The following FNDC7 variants were observed in gnomAD, a reference collection of about 807,000 sequenced individuals.
The protein encoded by FNDC7 is fibronectin type III domain-containing protein 7.
FNDC7 carries 66 observed loss-of-function variants against 74.2 expected under a neutral mutation model. That is an observed-to-expected ratio of 0.89 (90% confidence interval 0.73 to 1.09). The LOEUF (loss-of-function observed/expected upper bound fraction) is 1.09, where lower values mean the gene tolerates loss of function less well. FNDC7 is among the 50% of genes least tolerant of loss of function. FNDC7 has a pLI of 0.00. For synonymous variants in FNDC7, 307 were observed against 330.2 expected (o/e 0.93, Z 0.76); for missense variants, 829 against 893.4 (o/e 0.93, Z 0.92).
intron 5 of FNDC7, among the ~76,000 whole-genome samples, chr1:108,725,183 G>C (rs1010273385): frequency 6.6e-6 from 1 of 152,194 alleles, no homozygotes; most frequent in Admixed American, 6.5e-5. Flanking sequence ...CCCCCAGAAA[G>C]ACCCAGCTCC....
intron 5 of FNDC7, among the ~76,000 whole-genome samples, chr1:108,725,414 T>A (rs891954919): frequency 6.6e-5 from 10 of 152,198 alleles, no homozygotes; most frequent in Non-Finnish European, 1.3e-4. Context: ...AAGTCAAATA[T>A]TTCAACAAAT....
At position 108,723,491 on chromosome 1, in the gene FNDC7, G is replaced by GA. The variant is rs5776943; in HGVS notation, c.856+909dup. 7.7e-3 allele frequency among the ~76,000 whole-genome samples: 1,148 copies of GA among 148,826 alleles called. 7 individuals carry two copies. Among genetic ancestry groups the GA allele is most frequent in the Middle Eastern group, 0.014 (4 of 286 alleles). ...CAAGTTGATGCACTCCATTCCACAGGAAAAAAAAAATAAAGCTATTCTTTC... is the reference window on the plus strand; with the variant it reads ...CAAGTTGATGCACTCCATTCCACAGGAAAAAAAAAAATAAAGCTATTCTTTC... On this transcript the variant is annotated intron_variant, in intron 5 of 12. Coordinates refer to ENST00000370017, the MANE Select transcript of FNDC7 (RefSeq NM_001144937.3).
At chr1:108,732,341 CAAAA>C (rs67731443) in intron 9 of FNDC7, among the ~76,000 whole-genome samples, 4 of 103,230 alleles carry the variant, frequency 3.9e-5, no homozygotes, top group African/African-American at 1.6e-4. Context: ...GACTCCGTCT[CAAAA>C]AAAAAAAAAA....
intron 5 of FNDC7, among the ~76,000 whole-genome samples, chr1:108,725,114 T>TA (rs1157241893): frequency 6.6e-6 from 1 of 151,870 alleles, no homozygotes; most frequent in Non-Finnish European, 1.5e-5. Context: ...AAAATAAATT[T>TA]AAAAAAATAG....
intron 5 of FNDC7, 29 bp downstream of exon 5, chr1:108,722,621 G>A (rs769237487): frequency 8.8e-6 from 14 of 1,590,602 alleles, no homozygotes; most frequent in East Asian, 2.2e-5. Context: ...GACTGCTGTC[G>A]GGCTTGCAGC....
Position 108,733,389 on chromosome 1 carries a change from G to A in FNDC7, c.1997G>A (p.Gly666Asp), listed in dbSNP as rs763013847. ...NYSTDLYGSKGIFTCTPSAGL... is the reference protein window; with the variant it reads ...NYSTDLYGSKDIFTCTPSAGL... ...AGCACTGACCTCTATGGCTCCAAAG[G>A]CATTTTCACGTGCACCCCGAGTGCT... is the stretch of plus-strand genomic sequence containing the variant. Residue 666 changes from glycine to aspartate, a missense_variant, in exon 10 of 13, where the codon GGC becomes GAC. Gly to Asp is a moderately conservative substitution (Grantham distance 94, BLOSUM62 -1). Transcript: ENST00000370017. 6.2e-7 allele frequency: 1 copy of A among 1,614,132 alleles called. No individual in the cohort carries two copies. The highest frequency in any genetic ancestry group is 8.5e-7 in the Non-Finnish European group (1 of 1,180,016).
At chr1:108,737,967 G>A (rs928477) in intron 11 of FNDC7, among the ~76,000 whole-genome samples, 5,370 of 152,312 alleles carry the variant, frequency 0.035, 311 homozygotes, top group African/African-American at 0.12. Context: ...TGATTCTGAA[G>A]TATAGCCAAG....
chr1:108,740,188 C>A (rs1661606050), intron 11 of FNDC7, among the ~76,000 whole-genome samples: 1 of 152,026 alleles, frequency 6.6e-6, no homozygotes, highest in Non-Finnish European at 1.5e-5. Context: ...AAACACAGAG[C>A]AAGTCCAATC....
chr1:108,729,209 G>T (rs1661287654), intron 8 of FNDC7, among the ~76,000 whole-genome samples: 1 of 152,194 alleles, frequency 6.6e-6, no homozygotes, highest in South Asian at 2.1e-4. Flanking sequence ...AATGAGCTGG[G>T]TTGTTACTTA....
At chr1:108,715,095 G>A (rs1026742276) in intron 2 of FNDC7, among the ~76,000 whole-genome samples, 3 of 152,046 alleles carry the variant, frequency 2.0e-5, no homozygotes, top group Admixed American at 1.3e-4. Context: ...ATTGAGTCCC[G>A]GCTTTTCAAC....
At position 108,717,987 on chromosome 1, in the gene FNDC7, C is replaced by T. The variant is rs868465295; in HGVS notation, c.293C>T (p.Ala98Val). The T allele has an allele frequency of 6.4e-7, 1 of 1,551,754 alleles. No individual in the cohort carries two copies. The highest frequency in any genetic ancestry group is 1.4e-5 in the African/African-American group (1 of 73,174). The change falls in exon 3 of 13, where the codon GCT (alanine) becomes GTT (valine). Residue 98 changes from alanine (A) to valine (V), a missense_variant. Transcript: ENST00000370017. ...GAAATCACCATCAGATCCATCAGCGCTGCTGGGAGAAGCCAGGCGTCACCT... is the reference window on the plus strand; with the variant it reads ...GAAATCACCATCAGATCCATCAGCGTTGCTGGGAGAAGCCAGGCGTCACCT... ...WYEITIRSIS[A>V]AGRSQASPPK...
chr1:108,728,977 A>C (rs1324061622), intron 8 of FNDC7, 91 bp downstream of exon 8: 2 of 1,464,070 alleles, frequency 1.4e-6, no homozygotes, highest in Non-Finnish European at 1.9e-6. Flanking sequence ...ATCTACCCTC[A>C]GTGCAACAGA....
chr1:108,739,158 G>T (rs1226098370), intron 11 of FNDC7, among the ~76,000 whole-genome samples: 1 of 152,096 alleles, frequency 6.6e-6, no homozygotes, highest in African/African-American at 2.4e-5. Context: ...ATTTAAAAAT[G>T]TTTGAAAAGA....
chr1:108,713,019 C>G, intron 1 of FNDC7, 23 bp downstream of exon 1: 1 of 1,543,720 alleles, frequency 6.5e-7, no homozygotes, highest in South Asian at 1.2e-5. Flanking sequence ...TTCCAACTAC[C>G]CACAACTATT....
chr1:108,728,936 G>T, intron 8 of FNDC7, 50 bp downstream of exon 8: 1 of 1,594,382 alleles, frequency 6.3e-7, no homozygotes, highest in Non-Finnish European at 8.6e-7. Flanking sequence ...GGTCCTTATG[G>T]AGTGTTTCAA....
In FNDC7 at chr1:108,716,927, T is replaced by A. The variant is rs1479387325; in HGVS notation, c.83-850T>A. On this transcript the variant is annotated intron_variant, in intron 2 of 12. Coordinates refer to ENST00000370017, the MANE Select transcript of FNDC7 (RefSeq NM_001144937.3). ...TTTTCTTCCACTTAGATCTCCTATA[T>A]CCAAGACATTTTTGCATCTATGGAA... is the stretch of plus-strand genomic sequence containing the variant. Among the ~76,000 whole-genome samples, 3 of 152,170 alleles carry A rather than the reference T, an allele frequency of 2.0e-5. No individual in the cohort carries two copies. The East Asian group carries it at 5.8e-4, about 29-fold the overall frequency.
rs1557786647 is a variant in FNDC7 at position 108,717,851 on chromosome 1, C to T, written c.157C>T (p.Pro53Ser). The stretch of plus-strand genomic sequence containing the variant: ...TATCACTGTAGAATGGGCTACAGTG[C>T]CGGGTGCCACCAGTTACCTCCTCAC... ...NSITVEWATV[P>S]GATSYLLTAE... is the part of the protein sequence containing the mutation. The change falls in exon 3 of 13, where the codon CCG (proline) becomes TCG (serine). Residue 53 changes from proline (P) to serine (S), a missense_variant. Transcript: ENST00000370017. 3.2e-6 allele frequency: 5 copies of T among 1,551,734 alleles called. No homozygotes were observed. The highest frequency in any genetic ancestry group is 4.4e-6 in the Non-Finnish European group (5 of 1,146,996).
intron 10 of FNDC7, among the ~76,000 whole-genome samples, chr1:108,737,024 A>G (rs963450829): frequency 1.4e-5 from 2 of 138,744 alleles, no homozygotes; most frequent in African/African-American, 2.7e-5. Context: ...CTGGAGTGCA[A>G]TGGCGCAATC....
In FNDC7 at chr1:108,735,721, A is replaced by G. The variant is rs115047204; in HGVS notation, c.2141-1774A>G. On this transcript the variant is annotated intron_variant, in intron 10 of 12. Coordinates refer to ENST00000370017, the MANE Select transcript of FNDC7 (RefSeq NM_001144937.3). ...GGTGTGTCTTTTGTACTTATAGTAC[A>G]TTTAGTTCAAACTAGCCATATGTTC... is the stretch of plus-strand genomic sequence containing the variant. Among the ~76,000 whole-genome samples the G allele has an allele frequency of 9.2e-3, 1,394 of 152,272 alleles. 22 individuals are homozygous for G. The highest frequency in any genetic ancestry group is 0.032 in the African/African-American group (1,330 of 41,546).
Sources: gnomAD v4.1 joint callset for allele counts (sites outside exome capture counted in the v4.1 genomes callset) on GRCh38, gnomAD v4.1.1 for gene constraint, MANE v1.5 for transcripts, NCBI Gene and HGNC (gene_info 2026-07-23, HGNC 2026-07-21) for gene names.